ANKRD6: variants seen among roughly 807,000 people sequenced by gnomAD.
ANKRD6 encodes the protein ankyrin repeat domain-containing protein 6.
ANKRD6 carries 56 observed loss-of-function variants against 82.3 expected under a neutral mutation model. The ratio of observed to expected loss-of-function variants is 0.68; its 90% CI spans 0.55 to 0.85. The LOEUF is 0.85. Ranked by LOEUF, ANKRD6 falls within the 40% of genes least tolerant of loss-of-function variation. The probability of loss-of-function intolerance (pLI) is 0.00; values close to 1 mark genes in which losing one functional copy is unlikely to be tolerated. For missense variants in ANKRD6, 852 were observed against 907.6 expected (o/e 0.94, Z 0.79); for synonymous variants, 347 against 352.1 (o/e 0.99, Z 0.16).
At chr6:89,452,743 TTGGAAA>T (rs572527630) in intron 1 of ANKRD6, among the ~76,000 whole-genome samples, 68 of 152,282 alleles carry the variant, frequency 4.5e-4, no homozygotes, top group Non-Finnish European at 8.7e-4. Flanking sequence ...ATTACCTCAC[TTGGAAA>T]TGGACAATAA....
At chr6:89,549,734 C>T (rs370044205) in intron 1 of ANKRD6, among the ~76,000 whole-genome samples, 7 of 151,982 alleles carry the variant, frequency 4.6e-5, no homozygotes, top group African/African-American at 1.7e-4. Flanking sequence ...AGACAGAAGC[C>T]CAGTGCCCTG....
chr6:89,488,794 A>G (rs142599496), intron 1 of ANKRD6, among the ~76,000 whole-genome samples: 4 of 152,328 alleles, frequency 2.6e-5, no homozygotes, highest in African/African-American at 9.6e-5. Flanking sequence ...AGAACTAGTG[A>G]CCCAGTATGT....
chr6:89,536,757 T>C (rs1783889555), intron 1 of ANKRD6, among the ~76,000 whole-genome samples: 1 of 152,180 alleles, frequency 6.6e-6, no homozygotes, highest in Non-Finnish European at 1.5e-5. Context: ...GGCTGGTGGG[T>C]CCTTTCTGTT....
At chr6:89,515,432 A>G (rs1781085255) in intron 1 of ANKRD6, among the ~76,000 whole-genome samples, 1 of 152,182 alleles carries the variant, frequency 6.6e-6, no homozygotes, top group Non-Finnish European at 1.5e-5. Flanking sequence ...TTTGGTCTTC[A>G]CACAGATTTT....
intron 1 of ANKRD6, among the ~76,000 whole-genome samples, chr6:89,463,094 C>T (rs1315652142): frequency 6.6e-6 from 1 of 152,004 alleles, no homozygotes; most frequent in Non-Finnish European, 1.5e-5. Context: ...TTTCAAAGTC[C>T]TGGCCTCAAG....
chr6:89,621,844 C>G, intron 9 of ANKRD6, 78 bp from the exon 10 acceptor site: 2 of 1,396,536 alleles, frequency 1.4e-6, no homozygotes, highest in Middle Eastern at 1.8e-4. Flanking sequence ...TAGGTCAGAG[C>G]CCCAGGTCCA....
At chr6:89,619,050 T>C (rs766126573) in intron 9 of ANKRD6, among the ~76,000 whole-genome samples, 1 of 152,336 alleles carries the variant, frequency 6.6e-6, no homozygotes, top group South Asian at 2.1e-4. Flanking sequence ...TTATTTTGTT[T>C]AAGTTTTTAA....
At chr6:89,479,624 T>A (rs1776535804) in intron 1 of ANKRD6, among the ~76,000 whole-genome samples, 1 of 149,520 alleles carries the variant, frequency 6.7e-6, no homozygotes, top group Non-Finnish European at 1.5e-5. Context: ...TTTATTTATT[T>A]ATTTATTATT....
chr6:89,513,872 G>A (rs191230649), intron 1 of ANKRD6, among the ~76,000 whole-genome samples: 66 of 152,284 alleles, frequency 4.3e-4, no homozygotes, highest in African/African-American at 1.4e-3. Flanking sequence ...TTCAGAATGC[G>A]TTCACTATTT....
intron 1 of ANKRD6, among the ~76,000 whole-genome samples, chr6:89,552,984 T>G (rs764852685): frequency 2.6e-5 from 4 of 152,154 alleles, no homozygotes; most frequent in Non-Finnish European, 5.9e-5. Context: ...TACCGGTGTT[T>G]CCAGACCATG....
intron 2 of ANKRD6, among the ~76,000 whole-genome samples, chr6:89,580,974 G>A (rs976239172): frequency 6.6e-6 from 1 of 152,136 alleles, no homozygotes; most frequent in Non-Finnish European, 1.5e-5. Flanking sequence ...ATTGGAGTAG[G>A]TAATGGTTCT....
At chr6:89,505,570 C>T (rs953000097) in intron 1 of ANKRD6, among the ~76,000 whole-genome samples, 1 of 152,174 alleles carries the variant, frequency 6.6e-6, no homozygotes, top group Non-Finnish European at 1.5e-5. Flanking sequence ...GAAGCCTGAA[C>T]GGAGAAGGGT....
chr6:89,600,125 C>G (rs9362665), intron 3 of ANKRD6, among the ~76,000 whole-genome samples: 1 of 152,018 alleles, frequency 6.6e-6, no homozygotes, highest in African/African-American at 2.4e-5. Flanking sequence ...AATGTCCTCC[C>G]AAGGTCTGAA....
intron 1 of ANKRD6, among the ~76,000 whole-genome samples, chr6:89,446,708 T>G (rs1772126490): frequency 6.6e-6 from 1 of 152,156 alleles, no homozygotes; most frequent in African/African-American, 2.4e-5. Flanking sequence ...CTGATATAGT[T>G]TGGCCGTGTC....
chr6:89,613,905 T>C lies in ANKRD6; in HGVS notation c.615+15T>C, dbSNP rs1179906. ...AAAAGAACCAGGTCAGTGCATGTAT[T>C]CTCTTCATGGCTGCCAGCACCCTTC... On this transcript the variant is annotated intron_variant, in intron 7 of 15. Coordinates refer to ENST00000339746, the MANE Select transcript of ANKRD6 (RefSeq NM_001242809.2). The C allele has an allele frequency of 0.2, 321,946 of 1,612,050 alleles. 34,956 individuals carry two copies. Among genetic ancestry groups the C allele is most frequent in the South Asian group, 0.34 (31,344 of 90,954 alleles).
intron 1 of ANKRD6, among the ~76,000 whole-genome samples, chr6:89,564,754 A>G (rs569454393): frequency 6.6e-6 from 1 of 152,172 alleles, no homozygotes; most frequent in African/African-American, 2.4e-5. Context: ...GTTTGTATGA[A>G]CTGGGCTGTT....
chr6:89,462,943 C>T lies in ANKRD6; in HGVS notation c.-144+29568C>T, dbSNP rs980522632. Among the ~76,000 whole-genome samples, 11 of 150,724 alleles carry T rather than the reference C, an allele frequency of 7.3e-5. No homozygotes were observed. The East Asian group carries it at 1.2e-3, about 16-fold the overall frequency. On this transcript the variant is annotated intron_variant, in intron 1 of 15. Coordinates refer to ENST00000339746, the MANE Select transcript of ANKRD6 (RefSeq NM_001242809.2). ...GAAATGCAGTGGTGCTATCAGAGCTCGCTCAAACTCCTGGGCTCAAGTGAT... is the reference window on the plus strand; with the variant it reads ...GAAATGCAGTGGTGCTATCAGAGCTTGCTCAAACTCCTGGGCTCAAGTGAT...
At chr6:89,593,004 G>A (rs1466635123) in intron 2 of ANKRD6, among the ~76,000 whole-genome samples, 1 of 152,170 alleles carries the variant, frequency 6.6e-6, no homozygotes, top group Non-Finnish European at 1.5e-5. Context: ...AACCTAGAAG[G>A]CAGAGGTTGC....
At chr6:89,577,746 G>T (rs927185497) in intron 2 of ANKRD6, among the ~76,000 whole-genome samples, 13 of 152,214 alleles carry the variant, frequency 8.5e-5, no homozygotes, top group Non-Finnish European at 1.8e-4. Flanking sequence ...GAGCTCAGGA[G>T]GTTGAGGCTG....
Sources: gnomAD v4.1 joint callset for allele counts (sites outside exome capture counted in the v4.1 genomes callset) on GRCh38, gnomAD v4.1.1 for gene constraint, MANE v1.5 for transcripts, NCBI Gene and HGNC (gene_info 2026-07-23, HGNC 2026-07-21) for gene names.